Variants in LRRTM4 observed in about 807,000 individuals in gnomAD.
The protein encoded by LRRTM4 is leucine rich repeat transmembrane neuronal 4, also known as leucine-rich repeat transmembrane neuronal protein 4.
A neutral mutation model predicts 47.6 loss-of-function variants in LRRTM4; 25 were observed. The ratio of observed to expected loss-of-function variants is 0.53; its 90% CI spans 0.38 to 0.73. The LOEUF (loss-of-function observed/expected upper bound fraction) is 0.73. Ranked by LOEUF, LRRTM4 falls within the 30% of genes least tolerant of loss-of-function variation. The pLI is 0.00. For missense variants in LRRTM4, 638 were observed against 713.4 expected, an observed-to-expected ratio of 0.89 and a Z score of 1.20; for synonymous variants, 311 against 269.5, an observed-to-expected ratio of 1.15 and a Z score of -1.51.
intron 3 of LRRTM4, among the ~76,000 whole-genome samples, chr2:77,033,579 C>T (rs1404615591): frequency 6.6e-6 from 1 of 151,752 alleles, no homozygotes; most frequent in Non-Finnish European, 1.5e-5. Flanking sequence ...AAAAATTCTC[C>T]CACCACAAAT....
Position 76,814,551 on chromosome 2 carries a change from C to G in LRRTM4, c.1552-65635G>C, listed in dbSNP as rs1420017244. The stretch of plus-strand genomic sequence containing the variant: ...AGACAAGAATAAAAAATATCAAGAG[C>G]AAAAGATACAATATGACAAATATTT... On this transcript the variant is annotated intron_variant, in intron 3 of 3. Transcript: ENST00000409884. Among the ~76,000 whole-genome samples the G allele has an allele frequency of 3.3e-5, 5 of 151,724 alleles. No individual in the cohort carries two copies. In the East Asian group the frequency reaches 7.7e-4, roughly 23 times the overall value.
intron 3 of LRRTM4, among the ~76,000 whole-genome samples, chr2:77,324,726 C>T (rs1271853800): frequency 6.6e-6 from 1 of 152,084 alleles, no homozygotes; most frequent in South Asian, 2.1e-4. Flanking sequence ...TTTTGGGATA[C>T]GTCCCAAGAT....
At chr2:76,982,916 A>G (rs1023563741) in intron 3 of LRRTM4, among the ~76,000 whole-genome samples, 1 of 152,110 alleles carries the variant, frequency 6.6e-6, no homozygotes, top group Non-Finnish European at 1.5e-5. Flanking sequence ...GCTCTTTTGC[A>G]ATAGCATAAA....
intron 3 of LRRTM4, among the ~76,000 whole-genome samples, chr2:77,077,707 G>C (rs1680384300): frequency 6.6e-6 from 1 of 152,026 alleles, no homozygotes; most frequent in Non-Finnish European, 1.5e-5. Context: ...GGAATAACTA[G>C]CTCTAAAACA....
chr2:77,299,676 T>C (rs1677074536), intron 3 of LRRTM4, among the ~76,000 whole-genome samples: 1 of 152,032 alleles, frequency 6.6e-6, no homozygotes, highest in South Asian at 2.1e-4. Flanking sequence ...GCATTCTCTA[T>C]TGTAAGACAC....
At chr2:76,900,743 T>C (rs1409688276) in intron 3 of LRRTM4, among the ~76,000 whole-genome samples, 1 of 152,204 alleles carries the variant, frequency 6.6e-6, no homozygotes, top group Non-Finnish European at 1.5e-5. Context: ...GTGGCATATC[T>C]ATTCAATGGA....
At chr2:77,011,477 T>C (rs1477194935) in intron 3 of LRRTM4, among the ~76,000 whole-genome samples, 2 of 151,984 alleles carry the variant, frequency 1.3e-5, no homozygotes, top group African/African-American at 4.8e-5. Flanking sequence ...ATGCTTATTG[T>C]TGAGCTTGAT....
intron 3 of LRRTM4, among the ~76,000 whole-genome samples, chr2:76,761,506 G>C (rs1292657027): frequency 6.6e-6 from 1 of 152,244 alleles, no homozygotes; most frequent in South Asian, 2.1e-4. Flanking sequence ...GCTACTTGTA[G>C]GTGAATTTAC....
At chr2:77,381,131 T>C (rs1326159992) in intron 3 of LRRTM4, among the ~76,000 whole-genome samples, 1 of 152,068 alleles carries the variant, frequency 6.6e-6, no homozygotes. Context: ...ACAATAAACC[T>C]ATTCTTTTCT....
intron 3 of LRRTM4, among the ~76,000 whole-genome samples, chr2:76,957,751 G>T (rs1403554479): frequency 6.6e-6 from 1 of 151,528 alleles, no homozygotes. Context: ...GGGTGTAAAA[G>T]CTTGAATATA....
intron 3 of LRRTM4, among the ~76,000 whole-genome samples, chr2:77,050,778 T>C (rs1022783272): frequency 6.6e-6 from 1 of 152,180 alleles, no homozygotes; most frequent in Non-Finnish European, 1.5e-5. Context: ...AACGGAAAAG[T>C]AATTTTATTT....
At chr2:77,011,981 C>G (rs959378001) in intron 3 of LRRTM4, among the ~76,000 whole-genome samples, 7 of 152,104 alleles carry the variant, frequency 4.6e-5, no homozygotes, top group South Asian at 2.1e-4. Context: ...GTTAACAGAT[C>G]AGTGACAGCA....
chr2:77,322,207 A>AT, intron 3 of LRRTM4, among the ~76,000 whole-genome samples: 1 of 152,120 alleles, frequency 6.6e-6, no homozygotes, highest in South Asian at 2.1e-4. Context: ...ATACGAATAG[A>AT]TTTTTCTGAT....
At chr2:77,424,539 A>G (rs1205653134) in intron 3 of LRRTM4, among the ~76,000 whole-genome samples, 1 of 152,206 alleles carries the variant, frequency 6.6e-6, no homozygotes, top group Non-Finnish European at 1.5e-5. Context: ...TTTTTAACCA[A>G]AACCACTTCC....
chr2:77,212,156 A>G (rs1407573462), intron 3 of LRRTM4, among the ~76,000 whole-genome samples: 1 of 152,070 alleles, frequency 6.6e-6, no homozygotes, highest in African/African-American at 2.4e-5. Flanking sequence ...CTGAAATGAC[A>G]AAATGACATA....
intron 3 of LRRTM4, among the ~76,000 whole-genome samples, chr2:76,944,171 CTG>C (rs1167326810): frequency 1.3e-5 from 2 of 151,820 alleles, no homozygotes; most frequent in Non-Finnish European, 2.9e-5. Context: ...CTAGCTTTCA[CTG>C]TGTTTTCTGC....
intron 3 of LRRTM4, among the ~76,000 whole-genome samples, chr2:76,895,974 G>A (rs748283267): frequency 6.6e-6 from 1 of 152,050 alleles, no homozygotes; most frequent in South Asian, 2.1e-4. Flanking sequence ...GTGAATAAAA[G>A]CACTCAGCAG....
intron 3 of LRRTM4, among the ~76,000 whole-genome samples, chr2:77,265,403 T>C (rs182725722): frequency 7.4e-4 from 112 of 152,144 alleles, no homozygotes; most frequent in Admixed American, 1.2e-3. Flanking sequence ...TGTTAGAGTC[T>C]TACAAAAGAA....
chr2:76,948,560 T>C (rs1675398951), intron 3 of LRRTM4, among the ~76,000 whole-genome samples: 1 of 151,832 alleles, frequency 6.6e-6, no homozygotes, highest in Non-Finnish European at 1.5e-5. Flanking sequence ...TTGGGCTGAT[T>C]ATGATTCTGC....
Sources: gnomAD v4.1 joint callset for allele counts (sites outside exome capture counted in the v4.1 genomes callset) on GRCh38, gnomAD v4.1.1 for gene constraint, MANE v1.5 for transcripts, NCBI Gene and HGNC (gene_info 2026-07-23, HGNC 2026-07-21) for gene names.